ARHGAP6: variants seen among roughly 807,000 people sequenced by gnomAD.
ARHGAP6 encodes the protein Rho GTPase activating protein 6, also known as rho GTPase-activating protein 6.
ARHGAP6 carries 16 observed loss-of-function variants against 55.7 expected under a neutral mutation model. The observed-to-expected ratio is 0.29, with a 90% CI of 0.19 to 0.44. ARHGAP6 has a LOEUF of 0.44. ARHGAP6 is among the 20% of genes least tolerant of loss of function. ARHGAP6 has a pLI of 1.00. For synonymous variants in ARHGAP6, 382 were observed against 360.9 expected (o/e 1.06, Z -0.66); for missense variants, 698 against 808.9 (o/e 0.86, Z 1.66).
At chrX:11,144,717 T>C (rs1217871128) in intron 10 of ARHGAP6, among the ~76,000 whole-genome samples, 3 of 112,676 alleles carry the variant, frequency 2.7e-5, no homozygotes, top group Non-Finnish European at 5.6e-5. Context: ...CATTATGGCT[T>C]TCTGGACAAC....
chrX:11,589,595 G>C (rs897070909), intron 1 of ARHGAP6, among the ~76,000 whole-genome samples: 1 of 109,861 alleles, frequency 9.1e-6, no homozygotes, highest in Non-Finnish European at 1.9e-5. Flanking sequence ...TATAAAAACA[G>C]GGTACTTTTC....
At chrX:11,602,642 G>C (rs1447009053) in intron 1 of ARHGAP6, among the ~76,000 whole-genome samples, 1 of 112,962 alleles carries the variant, frequency 8.9e-6, no homozygotes, top group Non-Finnish European at 1.9e-5. Flanking sequence ...TGCAAGAGGA[G>C]GTAGGGATAT....
At chrX:11,655,795 T>C (rs1321583000) in intron 1 of ARHGAP6, among the ~76,000 whole-genome samples, 1 of 112,549 alleles carries the variant, frequency 8.9e-6, no homozygotes, top group Non-Finnish European at 1.9e-5. Flanking sequence ...GAACAAGATG[T>C]CACGCCCCAA....
At chrX:11,557,132 G>A (rs534644445) in intron 1 of ARHGAP6, among the ~76,000 whole-genome samples, 1 of 112,391 alleles carries the variant, frequency 8.9e-6, no homozygotes, top group African/African-American at 3.2e-5. Context: ...AGATATTCAC[G>A]TTTGATGCTT....
intron 1 of ARHGAP6, among the ~76,000 whole-genome samples, chrX:11,480,045 C>A (rs757752934): frequency 9.0e-6 from 1 of 111,396 alleles, no homozygotes; most frequent in Non-Finnish European, 1.9e-5. Context: ...GGGAAATGTA[C>A]GACAGTTGAG....
chrX:11,202,767 T>C (rs2046648267), intron 2 of ARHGAP6, among the ~76,000 whole-genome samples: 2 of 76,192 alleles, frequency 2.6e-5, no homozygotes, highest in Non-Finnish European at 2.2e-5. Flanking sequence ...TCCACTGCAC[T>C]CCAGCCTGGG....
At chrX:11,525,854 G>T (rs907752607) in intron 1 of ARHGAP6, among the ~76,000 whole-genome samples, 2 of 110,979 alleles carry the variant, frequency 1.8e-5, no homozygotes, top group Non-Finnish European at 3.8e-5. Flanking sequence ...TACCCATGTT[G>T]TTAGTAACCA....
chrX:11,449,751 T>A (rs766751394), intron 1 of ARHGAP6, among the ~76,000 whole-genome samples: 10 of 112,192 alleles, frequency 8.9e-5, no homozygotes, highest in Non-Finnish European at 1.7e-4. Flanking sequence ...AGTAGATGGA[T>A]GCATCAAGGT....
chrX:11,176,232 C>CATATATATATATATATAT (rs746195419), intron 8 of ARHGAP6, among the ~76,000 whole-genome samples: 1 of 23,917 alleles, frequency 4.2e-5, no homozygotes, highest in South Asian at 4.4e-3. Context: ...AGAGGATTTG[C>CATATATATATATATATAT]ATATATATAT....
intron 1 of ARHGAP6, among the ~76,000 whole-genome samples, chrX:11,310,304 T>C (rs1209723775): frequency 9.1e-6 from 1 of 109,701 alleles, no homozygotes; most frequent in Non-Finnish European, 1.9e-5. Flanking sequence ...TTTGCCATTA[T>C]ACTCAGCAAT....
At chrX:11,387,521 T>A (rs2049343044) in intron 1 of ARHGAP6, among the ~76,000 whole-genome samples, 1 of 112,169 alleles carries the variant, frequency 8.9e-6, no homozygotes, top group Non-Finnish European at 1.9e-5. Context: ...TCACTTGACT[T>A]AAGGAGCTTT....
chrX:11,651,793 A>C (rs1288972009), intron 1 of ARHGAP6, among the ~76,000 whole-genome samples: 1 of 111,654 alleles, frequency 9.0e-6, no homozygotes, highest in Non-Finnish European at 1.9e-5. Context: ...CAACCTCGCC[A>C]GCATCTGTTA....
intron 1 of ARHGAP6, among the ~76,000 whole-genome samples, chrX:11,324,752 C>T (rs2048478175): frequency 8.9e-6 from 1 of 112,069 alleles, no homozygotes; most frequent in Non-Finnish European, 1.9e-5. Flanking sequence ...GAGCTTGATG[C>T]TGAGAAAGTT....
chrX:11,294,272 T>C (rs2048044532), intron 1 of ARHGAP6, among the ~76,000 whole-genome samples: 1 of 112,152 alleles, frequency 8.9e-6, no homozygotes, highest in Non-Finnish European at 1.9e-5. Flanking sequence ...CTAAAATCTA[T>C]CTTGGCAAAT....
At chrX:11,170,074 C>A (rs1308040274) in intron 8 of ARHGAP6, among the ~76,000 whole-genome samples, 1 of 111,671 alleles carries the variant, frequency 9.0e-6, no homozygotes, top group African/African-American at 3.3e-5. Context: ...CACTCAGCAC[C>A]TATCATAGGC....
At chrX:11,398,406 C>T (rs2049507843) in intron 1 of ARHGAP6, among the ~76,000 whole-genome samples, 1 of 110,871 alleles carries the variant, frequency 9.0e-6, no homozygotes, top group Admixed American at 9.6e-5. Context: ...CACAAACAAG[C>T]CTCTTTTCAG....
chrX:11,389,810 T>C (rs1408982705), intron 1 of ARHGAP6, among the ~76,000 whole-genome samples: 1 of 111,441 alleles, frequency 9.0e-6, no homozygotes, highest in Non-Finnish European at 1.9e-5. Context: ...TGAGAAATAA[T>C]ATCACCCCCA....
chrX:11,329,973 T>C (rs974710921), intron 1 of ARHGAP6, among the ~76,000 whole-genome samples: 33 of 113,353 alleles, frequency 2.9e-4, no homozygotes, highest in African/African-American at 1.1e-3. Flanking sequence ...GGTCCATTAT[T>C]GACAGAAACA....
At chrX:11,598,187 C>T (rs1275244110) in intron 1 of ARHGAP6, among the ~76,000 whole-genome samples, 1 of 111,442 alleles carries the variant, frequency 9.0e-6, no homozygotes, top group Non-Finnish European at 1.9e-5. Context: ...ATTCAAGTAC[C>T]TGGCTTCAGC....
Sources: allele counts gnomAD v4.1 joint callset (sites outside exome capture counted in the v4.1 genomes callset), GRCh38; gene constraint gnomAD v4.1.1; transcripts MANE v1.5; gene names NCBI Gene and HGNC (gene_info 2026-07-23, HGNC 2026-07-21).